The following KALRN variants were observed in gnomAD, a reference collection of about 807,000 sequenced individuals.
The protein encoded by KALRN is kalirin RhoGEF kinase, also known as kalirin.
Under a neutral mutation model 353.7 loss-of-function variants are expected in KALRN, and 70 were observed. The observed-to-expected ratio is 0.20, with a 90% CI of 0.16 to 0.24. The LOEUF (loss-of-function observed/expected upper bound fraction) is 0.24. Ranked by LOEUF, KALRN falls within the 10% of genes least tolerant of loss-of-function variation. The probability of loss-of-function intolerance (pLI) is 1.00; values close to 1 mark genes in which losing one functional copy is unlikely to be tolerated. For synonymous variants in KALRN, 1,391 were observed against 1,434.8 expected, an observed-to-expected ratio of 0.97 and a Z score of 0.69; for missense variants, 2,791 against 3,756.7, an observed-to-expected ratio of 0.74 and a Z score of 6.72.
At chr3:124,635,272 G>A (rs1291010978) in intron 36 of KALRN, among the ~76,000 whole-genome samples, 2 of 152,170 alleles carry the variant, frequency 1.3e-5, no homozygotes, top group East Asian at 1.9e-4. Context: ...TATAAACAGC[G>A]ATCATGGCCT....
chr3:124,220,659 T>C (rs1474841766), intron 1 of KALRN, among the ~76,000 whole-genome samples: 3 of 152,258 alleles, frequency 2.0e-5, no homozygotes, highest in Non-Finnish European at 1.5e-5. Flanking sequence ...GGACTTTAAG[T>C]CTCTTTCCTT....
At chr3:124,288,094 C>G (rs1015415401) in intron 5 of KALRN, among the ~76,000 whole-genome samples, 1 of 151,930 alleles carries the variant, frequency 6.6e-6, no homozygotes, top group Non-Finnish European at 1.5e-5. Flanking sequence ...AGGCTGGTCT[C>G]GAGCTCCTGA....
intron 19 of KALRN, 72 bp from the exon 20 acceptor site, chr3:124,446,089 C>T (rs556679032): frequency 5.4e-5 from 49 of 904,050 alleles, no homozygotes; most frequent in East Asian, 5.4e-4. Flanking sequence ...GCACCTGGGC[C>T]GTGGGGCTGA....
chr3:124,204,002 T>A (rs2076184114), intron 1 of KALRN, among the ~76,000 whole-genome samples: 1 of 152,150 alleles, frequency 6.6e-6, no homozygotes, highest in African/African-American at 2.4e-5. Flanking sequence ...CTGCAGGACA[T>A]GAGTATGTAT....
chr3:124,133,607 G>A (rs944867035), intron 1 of KALRN, among the ~76,000 whole-genome samples: 3 of 152,226 alleles, frequency 2.0e-5, no homozygotes, highest in Non-Finnish European at 4.4e-5. Flanking sequence ...TGCCTTATGG[G>A]GAGGGAGGCG....
At chr3:124,433,891 T>C (rs936720054) in intron 16 of KALRN, among the ~76,000 whole-genome samples, 2 of 152,234 alleles carry the variant, frequency 1.3e-5, no homozygotes, top group Non-Finnish European at 2.9e-5. Flanking sequence ...GTGCTGTCTA[T>C]ACTTGATCTG....
intron 38 of KALRN, among the ~76,000 whole-genome samples, chr3:124,651,243 G>A (rs545321174): frequency 6.6e-6 from 1 of 152,326 alleles, no homozygotes; most frequent in Admixed American, 6.5e-5. Context: ...AGGAAACTAT[G>A]AGACTGTTAC....
intron 34 of KALRN, among the ~76,000 whole-genome samples, chr3:124,594,923 A>AT (rs2076133998): frequency 6.6e-6 from 1 of 151,538 alleles, no homozygotes; most frequent in African/African-American, 2.4e-5. Context: ...AGGTCCAGGG[A>AT]TTTTTCTTTC....
rs746394553 is a variant in KALRN, at chr3:124,637,230, G to A, written c.5591G>A (p.Arg1864Gln). ...CAGTCCTCCTCTTTGCTAGCAGCCC[G>A]GCAGGCTTCCACTGAAGTACCTACT... ...DEMSSSLLAARQASTEVPTAA... is the reference protein window; with the variant it reads ...DEMSSSLLAAQQASTEVPTAA... Residue 1864 changes from arginine (R) to glutamine (Q), a missense_variant, in exon 37 of 60, where the codon CGG becomes CAG. Coordinates refer to ENST00000682506, the MANE Select transcript of KALRN (RefSeq NM_001388419.1). 4.7e-5 allele frequency: 76 copies of A among 1,613,926 alleles called. 1 individual carries two copies. The highest frequency in any genetic ancestry group is 1.6e-4 in the Middle Eastern group (1 of 6,080).
intron 9 of KALRN, among the ~76,000 whole-genome samples, chr3:124,343,575 A>G (rs72978411): frequency 6.5e-4 from 99 of 152,294 alleles, no homozygotes; most frequent in African/African-American, 2.3e-3. Context: ...AGGGCTCACC[A>G]CAATCTTGTT....
chr3:124,090,710 G>C (rs1448735418), intron 1 of KALRN, among the ~76,000 whole-genome samples: 1 of 152,210 alleles, frequency 6.6e-6, no homozygotes, highest in Non-Finnish European at 1.5e-5. Context: ...AGCTGGTGCT[G>C]AGGGTAGGAG....
At chr3:124,233,557 T>C (rs899458448) in intron 2 of KALRN, among the ~76,000 whole-genome samples, 3 of 152,182 alleles carry the variant, frequency 2.0e-5, no homozygotes, top group African/African-American at 4.8e-5. Flanking sequence ...TATGTAATCC[T>C]TTTCTCTCTG....
intron 51 of KALRN, among the ~76,000 whole-genome samples, chr3:124,688,603 A>G (rs2061669369): frequency 6.6e-6 from 1 of 152,076 alleles, no homozygotes; most frequent in Non-Finnish European, 1.5e-5. Flanking sequence ...GGTTTAGGGT[A>G]TTTGGTTTAT....
intron 49 of KALRN, 109 bp from the exon 50 acceptor site, chr3:124,678,081 G>A (rs75236952): frequency 0.035 from 43,463 of 1,229,262 alleles, 1,011 homozygotes; most frequent in South Asian, 0.074. Context: ...CTGAAGCCCG[G>A]GCTTGATGGA....
At chr3:124,651,500 A>G (rs1409700962) in intron 38 of KALRN, among the ~76,000 whole-genome samples, 1 of 152,226 alleles carries the variant, frequency 6.6e-6, no homozygotes, top group East Asian at 1.9e-4. Flanking sequence ...ATAATGCAGA[A>G]CAATCCCATG....
At chr3:124,521,370 C>T (rs1035320872) in intron 33 of KALRN, among the ~76,000 whole-genome samples, 3 of 152,162 alleles carry the variant, frequency 2.0e-5, no homozygotes, top group Admixed American at 2.0e-4. Context: ...TGAAAAGGAC[C>T]TTGGAGATCA....
chr3:124,368,427 C>T (rs1353792391), intron 10 of KALRN, among the ~76,000 whole-genome samples: 9 of 136,654 alleles, frequency 6.6e-5, no homozygotes, highest in Admixed American at 1.4e-4. Context: ...CCAGATGGGG[C>T]GGCGGGGCAG....
At chr3:124,584,069 T>A (rs1038202537) in intron 34 of KALRN, among the ~76,000 whole-genome samples, 2 of 152,060 alleles carry the variant, frequency 1.3e-5, no homozygotes, top group East Asian at 1.9e-4. Flanking sequence ...ATTTTTTTTT[T>A]AAATGGGGAA....
chr3:124,648,818 A>G (rs2083064901), intron 37 of KALRN, among the ~76,000 whole-genome samples: 1 of 152,176 alleles, frequency 6.6e-6, no homozygotes, highest in Non-Finnish European at 1.5e-5. Flanking sequence ...TGTCATTGGA[A>G]TGCCTGCCTG....
Sources: gnomAD v4.1 joint callset for allele counts (sites outside exome capture counted in the v4.1 genomes callset) on GRCh38, gnomAD v4.1.1 for gene constraint, MANE v1.5 for transcripts, NCBI Gene and HGNC (gene_info 2026-07-23, HGNC 2026-07-21) for gene names.